KANK1: variants seen among roughly 807,000 people sequenced by gnomAD.
The protein encoded by KANK1 is KN motif and ankyrin repeat domain-containing protein 1.
KANK1 carries 109 observed loss-of-function variants against 106.2 expected under a neutral mutation model. The ratio of observed to expected loss-of-function variants is 1.03; its 90% CI spans 0.88 to 1.20. KANK1 has a LOEUF of 1.20. KANK1 is among the 50% of genes most tolerant of loss of function. KANK1 has a pLI of 0.00. For missense variants in KANK1, 2,399 were observed against 1,710.7 expected, an observed-to-expected ratio of 1.40 and a Z score of -7.10; for synonymous variants, 873 against 652.2, an observed-to-expected ratio of 1.34 and a Z score of -5.16.
intron 3 of KANK1, among the ~76,000 whole-genome samples, chr9:492,725 A>G (rs2058397504): frequency 6.6e-6 from 1 of 152,132 alleles, no homozygotes; most frequent in Admixed American, 6.5e-5. Context: ...AAAATATCTT[A>G]TTGTTATTAA....
intron 1 of KANK1, among the ~76,000 whole-genome samples, chr9:634,412 A>G (rs1836568045): frequency 6.6e-6 from 1 of 152,164 alleles, no homozygotes; most frequent in South Asian, 2.1e-4. Flanking sequence ...AAAGTCTGAC[A>G]AGCATCTCAA....
At chr9:706,966 A>G in intron 2 of KANK1, 2 of 985,486 alleles carry the variant, frequency 2.0e-6, no homozygotes, top group African/African-American at 3.5e-5. Context: ...GGGAGTGAAG[A>G]ACACACATTT....
intron 2 of KANK1, among the ~76,000 whole-genome samples, chr9:688,201 G>C (rs1465766774): frequency 2.0e-5 from 3 of 152,154 alleles, no homozygotes; most frequent in Admixed American, 2.0e-4. Context: ...GTGTTTCCTG[G>C]GTGAACAGAT....
At chr9:608,034 A>ATT (rs35949327) in intron 1 of KANK1, among the ~76,000 whole-genome samples, 111 of 115,320 alleles carry the variant, frequency 9.6e-4, no homozygotes, top group East Asian at 6.0e-3. Context: ...TATTATTATT[A>ATT]TTTTTTTTTT....
intron 1 of KANK1, among the ~76,000 whole-genome samples, chr9:610,774 T>C (rs1830374651): frequency 6.6e-6 from 1 of 152,182 alleles, no homozygotes; most frequent in African/African-American, 2.4e-5. Flanking sequence ...CTTGCACATC[T>C]GTGACCTGAG....
intron 1 of KANK1, among the ~76,000 whole-genome samples, chr9:610,887 C>T (rs911814387): frequency 7.2e-5 from 11 of 152,076 alleles, no homozygotes; most frequent in Admixed American, 5.2e-4. Context: ...GAGGCCAGTA[C>T]GCAAGAGTGC....
At chr9:626,395 C>T (rs1218852862) in intron 1 of KANK1, among the ~76,000 whole-genome samples, 1 of 152,026 alleles carries the variant, frequency 6.6e-6, no homozygotes, top group Non-Finnish European at 1.5e-5. Flanking sequence ...GCAGAGGTTG[C>T]AGTGAGCCGG....
chr9:554,467 A>G (rs955606855), intron 1 of KANK1, among the ~76,000 whole-genome samples: 15 of 152,236 alleles, frequency 9.9e-5, no homozygotes, highest in African/African-American at 3.4e-4. Context: ...CCACTTAGAA[A>G]AAAAGTGCGG....
At chr9:490,499 C>T (rs1396959205) in intron 3 of KANK1, among the ~76,000 whole-genome samples, 1 of 151,968 alleles carries the variant, frequency 6.6e-6, no homozygotes, top group African/African-American at 2.4e-5. Flanking sequence ...CAGAGCAAGA[C>T]CTTGTCTCAA....
chr9:623,068 A>G (rs1833525405), intron 1 of KANK1, among the ~76,000 whole-genome samples: 2 of 152,180 alleles, frequency 1.3e-5, no homozygotes, highest in South Asian at 4.1e-4. Flanking sequence ...GGACTACATC[A>G]AGCCAAAAAG....
intron 1 of KANK1, among the ~76,000 whole-genome samples, chr9:655,307 G>A (rs1343249974): frequency 9.9e-5 from 15 of 150,956 alleles, no homozygotes; most frequent in Admixed American, 6.6e-5. Flanking sequence ...GGAGGCAGAG[G>A]TTGCGGTGAG....
intron 1 of KANK1, among the ~76,000 whole-genome samples, chr9:597,401 G>A (rs371730653): frequency 4.0e-5 from 6 of 151,588 alleles, no homozygotes; most frequent in African/African-American, 1.5e-4. Context: ...AATTATAGTC[G>A]TCCTTGTGGG....
intron 1 of KANK1, among the ~76,000 whole-genome samples, chr9:644,648 A>G (rs1563917770): frequency 6.6e-6 from 1 of 150,800 alleles, no homozygotes; most frequent in Non-Finnish European, 1.5e-5. Flanking sequence ...GTGCTGGCCC[A>G]TTCATGAGAA....
intron 3 of KANK1, among the ~76,000 whole-genome samples, chr9:476,208 T>A (rs890952753): frequency 2.6e-5 from 4 of 151,484 alleles, no homozygotes; most frequent in African/African-American, 9.7e-5. Flanking sequence ...TCCACAGTAT[T>A]AGCCAAACAT....
chr9:704,734 A>G (rs188938439), intron 2 of KANK1, among the ~76,000 whole-genome samples: 1 of 152,282 alleles, frequency 6.6e-6, no homozygotes, highest in Admixed American at 6.5e-5. Context: ...TAATTCCAGC[A>G]TGTTGAGAGG....
At chr9:604,858 G>A (rs1282228304) in intron 1 of KANK1, among the ~76,000 whole-genome samples, 1 of 151,688 alleles carries the variant, frequency 6.6e-6, no homozygotes, top group East Asian at 1.9e-4. Context: ...AGTTTCCTAA[G>A]GCTTCCCCAG....
chr9:591,039 G>C (rs1444536285), intron 1 of KANK1, among the ~76,000 whole-genome samples: 1 of 151,810 alleles, frequency 6.6e-6, no homozygotes, highest in East Asian at 1.9e-4. Flanking sequence ...CAGTTTTATA[G>C]ACAGATGAAC....
At chr9:674,464 A>G (rs1197655731) in intron 1 of KANK1, 1 of 152,038 alleles carries the variant, frequency 6.6e-6, no homozygotes, top group African/African-American at 2.4e-5. Context: ...GTTAGCTTTG[A>G]ACTGTGGTGC....
intron 3 of KANK1, among the ~76,000 whole-genome samples, chr9:716,239 ATTGTCT>A (rs1369594927): frequency 1.3e-5 from 2 of 152,232 alleles, no homozygotes; most frequent in African/African-American, 2.4e-5. Flanking sequence ...ACTAGAACAG[ATTGTCT>A]TTGTTCCTTC....
Sources: allele counts gnomAD v4.1 joint callset (sites outside exome capture counted in the v4.1 genomes callset), GRCh38; gene constraint gnomAD v4.1.1; transcripts MANE v1.5; gene names NCBI Gene and HGNC (gene_info 2026-07-23, HGNC 2026-07-21).